Variants in HMGCLL1 observed in about 807,000 individuals in gnomAD.
HMGCLL1 encodes 3-hydroxy-3-methylglutaryl-CoA lyase like 1.
HMGCLL1 carries 36 observed loss-of-function variants against 39.1 expected under a neutral mutation model. That is an observed-to-expected ratio of 0.92 (90% confidence interval 0.71 to 1.22). The LOEUF is 1.22. Ranked by LOEUF, HMGCLL1 falls within the 50% of genes most tolerant of loss-of-function variation. HMGCLL1 has a pLI of 0.00. For synonymous variants in HMGCLL1, 149 were observed against 144.0 expected, an observed-to-expected ratio of 1.03 and a Z score of -0.25; for missense variants, 451 against 416.5, an observed-to-expected ratio of 1.08 and a Z score of -0.72.
intron 7 of HMGCLL1, among the ~76,000 whole-genome samples, chr6:55,456,311 C>A (rs960078996): frequency 6.6e-6 from 1 of 152,114 alleles, no homozygotes; most frequent in Non-Finnish European, 1.5e-5. Context: ...TTAACTTCAA[C>A]GATTCGAAAT....
chr6:55,449,803 C>T (rs565758509), intron 7 of HMGCLL1, among the ~76,000 whole-genome samples: 62 of 152,266 alleles, frequency 4.1e-4, no homozygotes, highest in Admixed American at 1.4e-3. Flanking sequence ...CTTCAAATAA[C>T]CAGTCACACA....
At chr6:55,627,899 AGTATATATAC>A in the HMGCLL1 span, among the ~76,000 whole-genome samples, 1 of 21,620 alleles carries the variant, frequency 4.6e-5, no homozygotes, top group Non-Finnish European at 7.9e-5. Flanking sequence ...ATATATATAT[AGTATATATAC>A]TATATATATA....
the HMGCLL1 span, among the ~76,000 whole-genome samples, chr6:55,602,327 G>T: frequency 6.6e-6 from 1 of 151,960 alleles, no homozygotes; most frequent in African/African-American, 2.4e-5. Flanking sequence ...AAATAAAAAT[G>T]TTTCCATTCC....
chr6:55,539,856 GAGGA>G (rs1295107115), intron 3 of HMGCLL1, among the ~76,000 whole-genome samples: 1 of 102,534 alleles, frequency 9.8e-6, no homozygotes, highest in Admixed American at 1.2e-4. Flanking sequence ...GTGAAAGAAA[GAGGA>G]AGAAAGAAAG....
intron 1 of HMGCLL1, chr6:55,563,852 T>A (rs12212353): frequency 4.7e-6 from 6 of 1,286,266 alleles, no homozygotes; most frequent in Admixed American, 4.6e-5. Flanking sequence ...CCCTCAAATA[T>A]GATGGGGATC....
At chr6:55,569,551 A>C (rs1179953907) in intron 1 of HMGCLL1, among the ~76,000 whole-genome samples, 1 of 152,202 alleles carries the variant, frequency 6.6e-6, no homozygotes, top group Non-Finnish European at 1.5e-5. Flanking sequence ...GCTGTTGATC[A>C]TAGGCACATT....
chr6:55,608,485 AG>A, the HMGCLL1 span, among the ~76,000 whole-genome samples: 5 of 152,090 alleles, frequency 3.3e-5, no homozygotes, highest in African/African-American at 1.2e-4. Flanking sequence ...AAAAGAATTT[AG>A]GGAAAAAAAA....
At chr6:55,511,097 C>T (rs183254531) in intron 5 of HMGCLL1, among the ~76,000 whole-genome samples, 10 of 151,948 alleles carry the variant, frequency 6.6e-5, no homozygotes, top group Non-Finnish European at 1.3e-4. Flanking sequence ...TCAATAAATA[C>T]CATTGATAAA....
At chr6:55,530,865 AT>A (rs1768623539) in intron 3 of HMGCLL1, among the ~76,000 whole-genome samples, 1 of 152,186 alleles carries the variant, frequency 6.6e-6, no homozygotes, top group Non-Finnish European at 1.5e-5. Context: ...TTTTTAAAAA[AT>A]ATTCAAATAA....
intron 7 of HMGCLL1, among the ~76,000 whole-genome samples, chr6:55,463,454 T>A (rs568096385): frequency 6.6e-5 from 10 of 152,316 alleles, no homozygotes; most frequent in African/African-American, 2.4e-4. Context: ...TTAAGTTATT[T>A]ACTCTTATGC....
At chr6:55,559,774 A>G (rs1770847041) in intron 1 of HMGCLL1, among the ~76,000 whole-genome samples, 1 of 152,190 alleles carries the variant, frequency 6.6e-6, no homozygotes, top group African/African-American at 2.4e-5. Flanking sequence ...ATGACCTCTC[A>G]GGGATGATTA....
At chr6:55,529,584 G>A (rs1054798326) in intron 3 of HMGCLL1, among the ~76,000 whole-genome samples, 3 of 152,082 alleles carry the variant, frequency 2.0e-5, no homozygotes, top group African/African-American at 4.8e-5. Context: ...GGAGATCTCC[G>A]TTTTGATATA....
At chr6:55,490,548 T>C (rs916473565) in intron 7 of HMGCLL1, among the ~76,000 whole-genome samples, 1 of 152,158 alleles carries the variant, frequency 6.6e-6, no homozygotes, top group African/African-American at 2.4e-5. Flanking sequence ...GGTTTAGACA[T>C]GTTTACTTTC....
chr6:55,591,287 A>G, the HMGCLL1 span, among the ~76,000 whole-genome samples: 13 of 151,946 alleles, frequency 8.6e-5, no homozygotes, highest in Non-Finnish European at 1.6e-4. Flanking sequence ...TGATAACATC[A>G]TAAGTACTAT....
At chr6:55,549,402 G>GTGTGTGTGTGTC (rs1288563581) in intron 1 of HMGCLL1, among the ~76,000 whole-genome samples, 5 of 151,536 alleles carry the variant, frequency 3.3e-5, no homozygotes, top group African/African-American at 1.2e-4. Context: ...GTGTGTGTGT[G>GTGTGTGTGTGTC]TGTGTCTGTG....
the HMGCLL1 span, among the ~76,000 whole-genome samples, chr6:55,627,963 T>TATATACTATATATA: frequency 3.1e-3 from 2 of 654 alleles, no homozygotes; most frequent in Non-Finnish European, 5.8e-3. Context: ...ATATATATAA[T>TATATACTATATATA]ATATATATAG....
chr6:55,493,310 C>T (rs939667184), intron 7 of HMGCLL1, among the ~76,000 whole-genome samples: 2 of 152,170 alleles, frequency 1.3e-5, no homozygotes, highest in Non-Finnish European at 2.9e-5. Context: ...CTTGCTCTCT[C>T]CCTTTATGGG....
chr6:55,578,579 A>G lies in HMGCLL1; in HGVS notation c.108+369T>C, dbSNP rs1325532421. On this transcript the variant is annotated intron_variant, in intron 1 of 8. Transcript: ENST00000274901. ...GACAAATTTGTAGTCTTTGTTACAC[A>G]GTACAAGGAGCACTGAGAATAAGGG... Among the ~76,000 whole-genome samples, 3 of 152,206 alleles carry G rather than the reference A, an allele frequency of 2.0e-5. No individual in the cohort carries two copies. In the East Asian group the frequency reaches 5.8e-4, roughly 29 times the overall value.
At chr6:55,445,126 T>C (rs769877552) in intron 7 of HMGCLL1, among the ~76,000 whole-genome samples, 2 of 152,036 alleles carry the variant, frequency 1.3e-5, no homozygotes, top group African/African-American at 2.4e-5. Flanking sequence ...CCCTTTAAAG[T>C]CTCTCTTTTT....
Sources: gnomAD v4.1 joint callset for allele counts (sites outside exome capture counted in the v4.1 genomes callset) on GRCh38, gnomAD v4.1.1 for gene constraint, MANE v1.5 for transcripts, NCBI Gene and HGNC (gene_info 2026-07-23, HGNC 2026-07-21) for gene names.